The following AMBRA1 variants were observed in gnomAD, a reference collection of about 807,000 sequenced individuals.
AMBRA1 encodes the protein autophagy and beclin 1 regulator 1.
AMBRA1 carries 47 observed loss-of-function variants against 125.4 expected under a neutral mutation model. The ratio of observed to expected loss-of-function variants is 0.37; its 90% confidence interval spans 0.30 to 0.48. AMBRA1 has a LOEUF of 0.48. Ranked by LOEUF, AMBRA1 falls within the 20% of genes least tolerant of loss-of-function variation. The pLI is 0.99. For missense variants in AMBRA1, 1,331 were observed against 1,693.4 expected, an observed-to-expected ratio of 0.79 and a Z score of 3.76; for synonymous variants, 626 against 655.5, an observed-to-expected ratio of 0.95 and a Z score of 0.69.
intron 17 of AMBRA1, among the ~76,000 whole-genome samples, chr11:46,404,353 G>C (rs1158891893): frequency 2.0e-5 from 3 of 152,190 alleles, no homozygotes. Flanking sequence ...CCTGCCAGCT[G>C]CCTCTGCATG....
At chr11:46,473,037 T>C (rs1050861206) in intron 11 of AMBRA1, among the ~76,000 whole-genome samples, 4 of 152,246 alleles carry the variant, frequency 2.6e-5, no homozygotes, top group African/African-American at 4.8e-5. Context: ...TCAAAACTTA[T>C]TGGCATACAA....
chr11:46,496,567 G>A (rs1024757480), intron 9 of AMBRA1, among the ~76,000 whole-genome samples: 6 of 152,182 alleles, frequency 3.9e-5, no homozygotes, highest in South Asian at 2.1e-4. Flanking sequence ...TCTATCTCTC[G>A]TTAGAAGGGC....
chr11:46,425,532 C>T (rs1947084001), intron 14 of AMBRA1, among the ~76,000 whole-genome samples: 3 of 152,210 alleles, frequency 2.0e-5, no homozygotes, highest in Middle Eastern at 3.4e-3. Flanking sequence ...GAGAAACTCA[C>T]TGATATCGGT....
At chr11:46,583,715 C>T (rs1158505816) in intron 1 of AMBRA1, among the ~76,000 whole-genome samples, 1 of 134,456 alleles carries the variant, frequency 7.4e-6, no homozygotes, top group Non-Finnish European at 1.6e-5. Context: ...GGGCGAAGGA[C>T]ATGAACAGAC....
In AMBRA1 at chr11:46,548,371, C is replaced by T; in HGVS notation, c.10G>A (p.Val4Ile). The change falls in exon 2 of 18, where the codon GTC (valine) becomes ATC (isoleucine). Residue 4 changes from valine (V) to isoleucine (I), a missense_variant. Around this residue, in one of 4 missense-constraint regions of AMBRA1, gnomAD observed 144 missense variants for 250.4 expected, o/e 0.58. Coordinates refer to ENST00000683756, the MANE Select transcript of AMBRA1 (RefSeq NM_001387011.1). ...ATCCGGACAGCATTCTTTTCTGGGA[C>T]AACCTTCATGGCGCTCAGTAGCCAC... MKV[V>I]PEKNAVRILW... 1 of 1,613,878 alleles carries T rather than the reference C, an allele frequency of 6.2e-7. No individual in the cohort carries two copies. The highest frequency in any genetic ancestry group is 8.5e-7 in the Non-Finnish European group (1 of 1,180,024).
intron 11 of AMBRA1, among the ~76,000 whole-genome samples, chr11:46,444,493 C>T (rs1169877938): frequency 6.6e-6 from 1 of 152,162 alleles, no homozygotes; most frequent in African/African-American, 2.4e-5. Context: ...ACACAACCAC[C>T]CTCCTTCTGA....
At chr11:46,496,010 G>A (rs1052446948) in intron 9 of AMBRA1, among the ~76,000 whole-genome samples, 2 of 152,110 alleles carry the variant, frequency 1.3e-5, no homozygotes, top group African/African-American at 2.4e-5. Flanking sequence ...TCAGTTACCT[G>A]GGAGGACTGC....
At chr11:46,588,043 T>C (rs752260143) in intron 1 of AMBRA1, among the ~76,000 whole-genome samples, 7 of 151,900 alleles carry the variant, frequency 4.6e-5, no homozygotes, top group Non-Finnish European at 7.4e-5. Context: ...AGAAAAGAAA[T>C]AGAAGGAGGA....
chr11:46,548,105 A>C (rs2042882823), intron 2 of AMBRA1, 141 bp downstream of exon 2: 1 of 1,332,118 alleles, frequency 7.5e-7, no homozygotes, highest in African/African-American at 1.5e-5. Flanking sequence ...TTTCAAATTT[A>C]CAAACAACTC....
intron 11 of AMBRA1, among the ~76,000 whole-genome samples, chr11:46,464,563 T>C (rs988723110): frequency 6.6e-6 from 1 of 152,070 alleles, no homozygotes; most frequent in Non-Finnish European, 1.5e-5. Context: ...TGTGCATGTG[T>C]TCATGAGTGT....
intron 11 of AMBRA1, among the ~76,000 whole-genome samples, chr11:46,485,533 T>G (rs1219854327): frequency 6.6e-6 from 1 of 152,162 alleles, no homozygotes; most frequent in Non-Finnish European, 1.5e-5. Flanking sequence ...AAACAAAACA[T>G]AGATATTGGG....
At chr11:46,414,632 C>T (rs1052867770) in intron 15 of AMBRA1, among the ~76,000 whole-genome samples, 2 of 152,204 alleles carry the variant, frequency 1.3e-5, no homozygotes, top group East Asian at 1.9e-4. Context: ...TCACACCCCC[C>T]ATGGTTATCA....
At chr11:46,491,083 A>G (rs1950442581) in intron 11 of AMBRA1, 1 of 152,218 alleles carries the variant, frequency 6.6e-6, no homozygotes, top group African/African-American at 2.4e-5. Context: ...CGGTTACATA[A>G]TAAGATTTTC....
intron 17 of AMBRA1, among the ~76,000 whole-genome samples, chr11:46,399,863 C>A (rs1945647020): frequency 6.6e-6 from 1 of 152,180 alleles, no homozygotes; most frequent in Admixed American, 6.6e-5. Context: ...GTCCGCCACT[C>A]CCTCTGCAGA....
intron 5 of AMBRA1, among the ~76,000 whole-genome samples, chr11:46,544,608 C>G (rs1400979646): frequency 6.6e-6 from 1 of 152,182 alleles, no homozygotes; most frequent in Non-Finnish European, 1.5e-5. Flanking sequence ...TCTCCATCTT[C>G]CAGTTTGATA....
At chr11:46,572,324 G>A (rs1310391227) in intron 1 of AMBRA1, among the ~76,000 whole-genome samples, 1 of 152,010 alleles carries the variant, frequency 6.6e-6, no homozygotes, top group Non-Finnish European at 1.5e-5. Flanking sequence ...AGATTCACTT[G>A]TCCATTGTTA....
chr11:46,584,625 A>T (rs2044303710), intron 1 of AMBRA1, among the ~76,000 whole-genome samples: 1 of 151,824 alleles, frequency 6.6e-6, no homozygotes, highest in Non-Finnish European at 1.5e-5. Flanking sequence ...AATTTTTCTG[A>T]GACAGGGTCT....
chr11:46,468,276 C>T (rs912456575), intron 11 of AMBRA1, among the ~76,000 whole-genome samples: 1 of 151,590 alleles, frequency 6.6e-6, no homozygotes, highest in South Asian at 2.1e-4. Context: ...GTGGCTCACA[C>T]TGGTAGTCCC....
intron 7 of AMBRA1, among the ~76,000 whole-genome samples, chr11:46,539,119 T>C (rs1952619203): frequency 6.6e-6 from 1 of 151,818 alleles, no homozygotes; most frequent in Non-Finnish European, 1.5e-5. Context: ...GGAATATAGA[T>C]TAAAGAAAGC....
Sources: gnomAD v4.1 joint callset for allele counts (sites outside exome capture counted in the v4.1 genomes callset) on GRCh38, gnomAD v4.1.1 for gene constraint, gnomAD v4.1.1 regional missense constraint, MANE v1.5 for transcripts, NCBI Gene and HGNC (gene_info 2026-07-23, HGNC 2026-07-21) for gene names.